Variants in CLDN10 observed in about 807,000 individuals in gnomAD.
CLDN10 encodes claudin 10, also known as claudin-10.
A neutral mutation model predicts 22.9 loss-of-function variants in CLDN10; 15 were observed. The ratio of observed to expected loss-of-function variants is 0.65; its 90% CI spans 0.44 to 1.01. The LOEUF (loss-of-function observed/expected upper bound fraction) is 1.01. Among genes scored for constraint, CLDN10 ranks in the 50% least tolerant of loss-of-function variants. The probability of loss-of-function intolerance (pLI) is 0.00; values close to 1 mark genes in which losing one functional copy is unlikely to be tolerated. For missense variants in CLDN10, 247 were observed against 287.8 expected (o/e 0.86, Z 1.03); for synonymous variants, 114 against 111.4 (o/e 1.02, Z -0.15).
chr13:95,457,939 G>T (rs980083952), intron 1 of CLDN10, among the ~76,000 whole-genome samples: 4 of 152,126 alleles, frequency 2.6e-5, no homozygotes, highest in African/African-American at 9.7e-5. Context: ...CAACAATAAT[G>T]AACATTCATT....
At chr13:95,560,786 A>G (rs1243515511) in intron 3 of CLDN10, 2 of 243,162 alleles carry the variant, frequency 8.2e-6, no homozygotes, top group African/African-American at 4.6e-5. Flanking sequence ...GAGAGGAAAG[A>G]ATGATGCGGT....
At position 95,513,489 on chromosome 13, in the gene CLDN10, G is replaced by A. The variant is rs562876842; in HGVS notation, c.215-46643G>A. The stretch of plus-strand genomic sequence containing the variant: ...ATTGTATGACACCCCTCTAACAAAC[G>A]CTTCCAGCCCTTTCTTCTTTCACAC... On this transcript the variant is annotated intron_variant, in intron 1 of 4. Transcript: ENST00000376873. Among the ~76,000 whole-genome samples, 171 of 152,096 alleles carry A rather than the reference G, an allele frequency of 1.1e-3. 1 individual carries two copies. Among genetic ancestry groups the A allele is most frequent in the African/African-American group, 4.0e-3 (166 of 41,484 alleles).
intron 1 of CLDN10, among the ~76,000 whole-genome samples, chr13:95,461,437 T>G (rs1395142612): frequency 6.6e-6 from 1 of 152,246 alleles, no homozygotes; most frequent in Non-Finnish European, 1.5e-5. Flanking sequence ...CTTTTTCCTT[T>G]GCCTTTGATT....
intron 1 of CLDN10, among the ~76,000 whole-genome samples, chr13:95,449,545 C>A (rs1215447530): frequency 6.6e-6 from 1 of 151,952 alleles, no homozygotes; most frequent in Non-Finnish European, 1.5e-5. Context: ...GCCACTGTGC[C>A]CTGCCACTCA....
At chr13:95,464,987 A>G in intron 1 of CLDN10, among the ~76,000 whole-genome samples, 1 of 152,146 alleles carries the variant, frequency 6.6e-6, no homozygotes. Context: ...TTGGCCTCCC[A>G]AAGTGCTAGG....
chr13:95,508,643 A>G lies in CLDN10; in HGVS notation c.215-51489A>G, dbSNP rs141808625. Among the ~76,000 whole-genome samples, 726 of 152,358 alleles carry G rather than the reference A, an allele frequency of 4.8e-3. 7 individuals are homozygous for G. The highest frequency in any genetic ancestry group is 0.017 in the African/African-American group (696 of 41,584). On this transcript the variant is annotated intron_variant, in intron 1 of 4. Transcript: ENST00000376873. ...AACTGGGATTGAAATGGATACAGTC[A>G]CCATAGAAGCAGAGAGGAGTGAGGG... is the stretch of plus-strand genomic sequence containing the variant.
At chr13:95,565,448 G>A (rs956003613) in intron 3 of CLDN10, among the ~76,000 whole-genome samples, 3 of 152,060 alleles carry the variant, frequency 2.0e-5, no homozygotes, top group Non-Finnish European at 2.9e-5. Flanking sequence ...TTTTGGCCCA[G>A]CTATTTTTGT....
chr13:95,539,332 A>C (rs539735519), intron 1 of CLDN10, among the ~76,000 whole-genome samples: 4 of 152,236 alleles, frequency 2.6e-5, no homozygotes, highest in Non-Finnish European at 2.9e-5. Context: ...GGATGCTGGC[A>C]TTACAATTGG....
intron 1 of CLDN10, among the ~76,000 whole-genome samples, chr13:95,485,833 GC>G (rs902707622): frequency 6.6e-6 from 1 of 151,958 alleles, no homozygotes; most frequent in Non-Finnish European, 1.5e-5. Flanking sequence ...TGCCTGGATG[GC>G]CTTGATAACC....
chr13:95,452,902 T>C (rs80196909), intron 1 of CLDN10, among the ~76,000 whole-genome samples: 11,652 of 152,270 alleles, frequency 0.077, 673 homozygotes, highest in South Asian at 0.22. Flanking sequence ...GGACTTTCTG[T>C]TACTTCCTCT....
At chr13:95,461,961 A>G (rs755826880) in intron 1 of CLDN10, among the ~76,000 whole-genome samples, 2 of 152,246 alleles carry the variant, frequency 1.3e-5, no homozygotes, top group East Asian at 1.9e-4. Context: ...GCCAAGCACA[A>G]TGGTGCCATC....
At chr13:95,480,791 T>C (rs887760323) in intron 1 of CLDN10, among the ~76,000 whole-genome samples, 2 of 152,216 alleles carry the variant, frequency 1.3e-5, no homozygotes, top group African/African-American at 2.4e-5. Context: ...AGACACGCTA[T>C]TCACATTCAA....
chr13:95,512,762 T>C (rs1165480865), intron 1 of CLDN10, among the ~76,000 whole-genome samples: 4 of 152,190 alleles, frequency 2.6e-5, no homozygotes, highest in Non-Finnish European at 5.9e-5. Context: ...TAGGCTTCCT[T>C]AGGAAAATAG....
chr13:95,536,791 C>T (rs1036936874), intron 1 of CLDN10, among the ~76,000 whole-genome samples: 40 of 31,638 alleles, frequency 1.3e-3, no homozygotes, highest in African/African-American at 3.0e-3. Context: ...TTAAAAACTG[C>T]ATGCCTTTTT....
intron 1 of CLDN10, among the ~76,000 whole-genome samples, chr13:95,498,810 T>C (rs755751328): frequency 2.0e-5 from 3 of 152,260 alleles, no homozygotes; most frequent in Non-Finnish European, 2.9e-5. Flanking sequence ...TACGTTCACA[T>C]TGTTGCACAA....
chr13:95,459,381 T>G (rs1594532973), intron 1 of CLDN10, among the ~76,000 whole-genome samples: 1 of 152,170 alleles, frequency 6.6e-6, no homozygotes, highest in African/African-American at 2.4e-5. Flanking sequence ...CCATGAGGGC[T>G]CCACCCCTGC....
chr13:95,489,941 C>A (rs986793496), intron 1 of CLDN10, among the ~76,000 whole-genome samples: 2 of 152,338 alleles, frequency 1.3e-5, no homozygotes, highest in African/African-American at 4.8e-5. Context: ...ATGTGGCTAG[C>A]CAATTATCCC....
intron 1 of CLDN10, chr13:95,479,718 A>G (rs528266370): frequency 6.6e-6 from 1 of 152,340 alleles, no homozygotes; most frequent in African/African-American, 2.4e-5. Context: ...AGATAAGAAA[A>G]CAAACCTGGA....
At chr13:95,470,813 T>C (rs895976069) in intron 1 of CLDN10, among the ~76,000 whole-genome samples, 1 of 152,172 alleles carries the variant, frequency 6.6e-6, no homozygotes, top group Non-Finnish European at 1.5e-5. Context: ...TATTAGTAGC[T>C]ACGTTCTCAG....
Sources: allele counts gnomAD v4.1 joint callset (sites outside exome capture counted in the v4.1 genomes callset), GRCh38; gene constraint gnomAD v4.1.1; transcripts MANE v1.5; gene names NCBI Gene and HGNC (gene_info 2026-07-23, HGNC 2026-07-21).